Variants in LRP12 observed in about 807,000 individuals in gnomAD.
LRP12 encodes the protein LDL receptor related protein 12.
In LRP12, 14 loss-of-function variants were observed where a neutral mutation model predicts 66.0. That is an observed-to-expected ratio of 0.21 (90% CI 0.14 to 0.33). LRP12 has a LOEUF of 0.33. Among genes scored for constraint, LRP12 ranks in the 10% least tolerant of loss-of-function variants. The probability of loss-of-function intolerance (pLI) is 1.00; values close to 1 mark genes in which losing one functional copy is unlikely to be tolerated. For synonymous variants in LRP12, 357 were observed against 359.1 expected, an observed-to-expected ratio of 0.99 and a Z score of 0.07; for missense variants, 889 against 1,053.4, an observed-to-expected ratio of 0.84 and a Z score of 2.16.
In LRP12 at chr8:104,571,301, G is replaced by A. The variant is rs576596636; in HGVS notation, c.79+17518C>T. Among the ~76,000 whole-genome samples the A allele has an allele frequency of 6.6e-5, 10 of 152,220 alleles. No homozygotes were observed. In the South Asian group the frequency reaches 1.5e-3, roughly 22 times the overall value. On this transcript the variant is annotated intron_variant, in intron 1 of 6. Transcript: ENST00000276654. ...CTATTAGGAAGTGGGCAGCACAGCA[G>A]CAAGTGAGTGGTGGGTGAGCAAGCA...
intron 1 of LRP12, among the ~76,000 whole-genome samples, chr8:104,546,145 G>C (rs1367258616): frequency 2.6e-5 from 4 of 152,096 alleles, no homozygotes; most frequent in African/African-American, 9.7e-5. Flanking sequence ...AGAGACTAGC[G>C]ATAAAAATGT....
intron 1 of LRP12, among the ~76,000 whole-genome samples, chr8:104,561,629 T>C (rs1811908441): frequency 6.6e-6 from 1 of 152,200 alleles, no homozygotes; most frequent in Non-Finnish European, 1.5e-5. Flanking sequence ...ACTGTTGTTG[T>C]AGTGGTGGTG....
Position 104,491,034 on chromosome 8 carries a change from AC to A in LRP12, c.2218del (p.Val740TyrfsTer5), listed in dbSNP as rs774779506. On this transcript the variant is annotated frameshift_variant, in exon 7 of 7. Transcript: ENST00000276654. LOFTEE classifies it high-confidence loss of function. ...LSRMTQGLRW[V>X]RFTLGRSSSL... ...ACTTGATCGTCCTAATGTAAAACGTACCCAGCGTAGCCCCTGAGTCATACGA... is the reference window on the plus strand; with the variant it reads ...ACTTGATCGTCCTAATGTAAAACGTACCAGCGTAGCCCCTGAGTCATACGA... The A allele has an allele frequency of 3.7e-6, 6 of 1,613,998 alleles. No homozygotes were observed.
intron 1 of LRP12, among the ~76,000 whole-genome samples, chr8:104,560,159 C>T (rs1289735225): frequency 1.3e-5 from 2 of 152,042 alleles, no homozygotes; most frequent in Non-Finnish European, 2.9e-5. Context: ...ACAGAACAAA[C>T]GTATCCTTTA....
At chr8:104,578,861 T>C (rs556402851) in intron 1 of LRP12, among the ~76,000 whole-genome samples, 1 of 152,282 alleles carries the variant, frequency 6.6e-6, no homozygotes, top group African/African-American at 2.4e-5. Context: ...GAAAGGGCTT[T>C]TGATGAAACT....
rs190363411 is a variant in LRP12, at chr8:104,541,381, T to C, written c.80-9418A>G. Among the ~76,000 whole-genome samples, 16 of 152,314 alleles carry C rather than the reference T, an allele frequency of 1.1e-4. No individual in the cohort carries two copies. The East Asian group carries it at 2.3e-3, about 22-fold the overall frequency. The stretch of plus-strand genomic sequence containing the variant: ...ACTGGAAAAGGAATTTTAGGACTAC[T>C]AAGTTCAAAGGTTCCTACCTATGAC... On this transcript the variant is annotated intron_variant, in intron 1 of 6. Transcript: ENST00000276654.
At chr8:104,567,698 G>C (rs1206805561) in intron 1 of LRP12, among the ~76,000 whole-genome samples, 1 of 152,004 alleles carries the variant, frequency 6.6e-6, no homozygotes, top group Non-Finnish European at 1.5e-5. Flanking sequence ...TGAAAACTAA[G>C]AAAACAATTC....
chr8:104,547,477 T>C (rs1811596320), intron 1 of LRP12, among the ~76,000 whole-genome samples: 1 of 134,510 alleles, frequency 7.4e-6, no homozygotes, highest in South Asian at 2.3e-4. Flanking sequence ...ATATTTTGTA[T>C]ACAATATATA....
intron 1 of LRP12, among the ~76,000 whole-genome samples, chr8:104,562,105 T>A (rs1043247762): frequency 6.6e-6 from 1 of 152,170 alleles, no homozygotes; most frequent in Admixed American, 6.6e-5. Flanking sequence ...TGGCTCTAAC[T>A]GTGTGACTTT....
rs201704104 is a variant in LRP12, at chr8:104,497,669, G to C, written c.883C>G (p.Arg295Gly). 9.1e-5 allele frequency: 147 copies of C among 1,613,868 alleles called. No individual in the cohort carries two copies. The highest frequency in any genetic ancestry group is 1.1e-4 in the Non-Finnish European group (129 of 1,179,984). The change falls in exon 5 of 7, where the codon CGT (arginine) becomes GGT (glycine). Residue 295 changes from arginine (R) to glycine (G), a missense_variant. By Grantham distance (125) the Arg-to-Gly change is moderately radical. Coordinates refer to ENST00000276654, the MANE Select transcript of LRP12 (RefSeq NM_013437.5). The surrounding 1 kb of genome is among the most constrained non-coding windows in gnomAD (Gnocchi z 4.3). ...TCAGTGAAGCGTAAAATGACTTTACGGTGATCACCAGTGTCTATTAACCAG... is the reference window on the plus strand; with the variant it reads ...TCAGTGAAGCGTAAAATGACTTTACCGTGATCACCAGTGTCTATTAACCAG... Reference protein sequence around the residue: ...CTWLIDTGDHRKVILRFTDFK... With the variant: ...CTWLIDTGDHGKVILRFTDFK...
At chr8:104,547,600 A>G (rs1459167232) in intron 1 of LRP12, among the ~76,000 whole-genome samples, 2 of 118,776 alleles carry the variant, frequency 1.7e-5, no homozygotes, top group Non-Finnish European at 3.2e-5. Context: ...AATATATAAT[A>G]ATTATTAATA....
chr8:104,557,399 G>A (rs1811827218), intron 1 of LRP12, among the ~76,000 whole-genome samples: 1 of 152,000 alleles, frequency 6.6e-6, no homozygotes, highest in African/African-American at 2.4e-5. Flanking sequence ...CATCCCGAAA[G>A]CTCCTAGAAC....
chr8:104,558,221 C>CAAA (rs369624413), intron 1 of LRP12, among the ~76,000 whole-genome samples: 82 of 149,530 alleles, frequency 5.5e-4, no homozygotes, highest in Admixed American at 9.3e-4. Context: ...AACAAACAAA[C>CAAA]AAAAAAAAAC....
At chr8:104,493,735 C>T (rs918604905) in intron 6 of LRP12, among the ~76,000 whole-genome samples, 15 of 152,202 alleles carry the variant, frequency 9.9e-5, no homozygotes, top group African/African-American at 2.7e-4. Flanking sequence ...GTACAAACTC[C>T]GGACACCCGA....
intron 1 of LRP12, among the ~76,000 whole-genome samples, chr8:104,549,576 G>T (rs1180046061): frequency 1.3e-5 from 2 of 151,760 alleles, no homozygotes; most frequent in Non-Finnish European, 2.9e-5. Flanking sequence ...CTAATTTTTT[G>T]TATTTTTAGT....
At chr8:104,514,483 T>G (rs1013748214) in intron 2 of LRP12, among the ~76,000 whole-genome samples, 2 of 145,098 alleles carry the variant, frequency 1.4e-5, no homozygotes, top group Admixed American at 1.4e-4. Context: ...CCGAGGCGGG[T>G]GGATAATGAG....
intron 1 of LRP12, among the ~76,000 whole-genome samples, chr8:104,533,166 T>A (rs956093857): frequency 5.9e-5 from 9 of 152,122 alleles, no homozygotes; most frequent in African/African-American, 2.2e-4. Flanking sequence ...ATATTAAGTA[T>A]ACAAATAAAT....
chr8:104,545,410 A>G (rs924967281), intron 1 of LRP12, among the ~76,000 whole-genome samples: 3 of 152,190 alleles, frequency 2.0e-5, no homozygotes, highest in African/African-American at 4.8e-5. Context: ...AAGACATTCT[A>G]CTGTGGGCAA....
intron 1 of LRP12, among the ~76,000 whole-genome samples, chr8:104,559,474 G>A (rs770514719): frequency 1.3e-5 from 2 of 152,054 alleles, no homozygotes; most frequent in Non-Finnish European, 2.9e-5. Context: ...GAGGAGGGGT[G>A]AGCGATAAAA....
Sources: allele counts gnomAD v4.1 joint callset (sites outside exome capture counted in the v4.1 genomes callset), GRCh38; gene constraint gnomAD v4.1.1; non-coding constraint Gnocchi (gnomAD v3.1); transcripts MANE v1.5; gene names NCBI Gene and HGNC (gene_info 2026-07-23, HGNC 2026-07-21).